Variants in ANKRD28 observed in about 807,000 individuals in gnomAD.
ANKRD28 encodes the protein serine/threonine-protein phosphatase 6 regulatory ankyrin repeat subunit A.
Under a neutral mutation model 126.5 loss-of-function variants are expected in ANKRD28, and 44 were observed. The observed-to-expected ratio is 0.35, with a 90% CI of 0.27 to 0.45. The LOEUF (loss-of-function observed/expected upper bound fraction) is 0.45. Ranked by LOEUF, ANKRD28 falls within the 20% of genes least tolerant of loss-of-function variation. ANKRD28 has a pLI of 1.00. For missense variants in ANKRD28, 1,110 were observed against 1,316.6 expected, an observed-to-expected ratio of 0.84 and a Z score of 2.43; for synonymous variants, 442 against 468.5, an observed-to-expected ratio of 0.94 and a Z score of 0.73.
chr3:15,739,075 G>A (rs554513678), intron 4 of ANKRD28, among the ~76,000 whole-genome samples: 13 of 152,118 alleles, frequency 8.5e-5, no homozygotes, highest in Non-Finnish European at 1.3e-4. Flanking sequence ...CCTAAACATC[G>A]CTGTTATCCT....
intron 2 of ANKRD28, among the ~76,000 whole-genome samples, chr3:15,772,037 G>T (rs556302798): frequency 6.6e-6 from 1 of 152,206 alleles, no homozygotes; most frequent in African/African-American, 2.4e-5. Flanking sequence ...TGAATGGAAT[G>T]AAAATGAATA....
chr3:15,746,496 T>G (rs1464274740), intron 4 of ANKRD28, among the ~76,000 whole-genome samples: 1 of 152,240 alleles, frequency 6.6e-6, no homozygotes, highest in Non-Finnish European at 1.5e-5. Flanking sequence ...ATTCTGTTTA[T>G]GTGGTGTATC....
intron 2 of ANKRD28, among the ~76,000 whole-genome samples, chr3:15,776,369 C>T (rs2059268505): frequency 6.6e-6 from 1 of 152,132 alleles, no homozygotes; most frequent in Admixed American, 6.5e-5. Flanking sequence ...TGTGAAACAA[C>T]CCAATTATCC....
chr3:15,797,887 A>G lies in ANKRD28; in HGVS notation c.-1366T>C. The G allele has an allele frequency of 3.0e-6, 3 of 985,452 alleles. No individual in the cohort carries two copies. The highest frequency in any genetic ancestry group is 3.6e-6 in the Non-Finnish European group (3 of 829,954). 61.0% of individuals were successfully genotyped at this position (985,452 alleles called of 1,614,324 possible). A position where few individuals can be genotyped will look rare whatever the true frequency, so the allele number is the denominator to read the frequency against. On this transcript the variant is annotated 5_prime_UTR_variant, in exon 1 of 28. An upstream start codon of the reference 5' UTR is lost. Transcript: ENST00000683139. Reference sequence around the variant, plus strand: ...ACCTCAGTATCAGTCCCACAGAAGCATTCCAACGGAGCAACAGTCTGAAGA... The same window carrying G: ...ACCTCAGTATCAGTCCCACAGAAGCGTTCCAACGGAGCAACAGTCTGAAGA...
rs370694516 is a variant in ANKRD28 at position 15,767,887 on chromosome 3, CCAAAA to C, written c.202-1580_202-1576del. On this transcript the variant is annotated intron_variant, in intron 2 of 27. Coordinates refer to ENST00000683139, the MANE Select transcript of ANKRD28 (RefSeq NM_001349278.2). ...TGGATGACAGAGAGAGACTCTGTCA[CCAAAA>C]CAAAACAAAACAAAACAACAAAAAC... Among the ~76,000 whole-genome samples, 622 of 151,092 alleles carry C rather than the reference CCAAAA, an allele frequency of 4.1e-3. 1 individual carries two copies. The highest frequency in any genetic ancestry group is 0.023 in the East Asian group (117 of 5,156).
At chr3:15,836,123 T>C (rs769240491) in intron 1 of ANKRD28, among the ~76,000 whole-genome samples, 2 of 152,074 alleles carry the variant, frequency 1.3e-5, no homozygotes, top group Non-Finnish European at 2.9e-5. Flanking sequence ...AAAAGAATAC[T>C]GAAAGTGGTA....
upstream of ANKRD28, chr3:15,798,125 T>C: frequency 1.0e-6 from 1 of 985,428 alleles, no homozygotes; most frequent in Non-Finnish European, 1.2e-6. Context: ...GAGTGCGCTT[T>C]TAACATTTTC....
chr3:15,757,632 C>T (rs1169147391), intron 3 of ANKRD28, among the ~76,000 whole-genome samples: 2 of 152,068 alleles, frequency 1.3e-5, no homozygotes, highest in Non-Finnish European at 2.9e-5. Context: ...TCACCCTTTC[C>T]ACCATATGAG....
chr3:15,850,155 A>C (rs2125991015), intron 1 of ANKRD28, among the ~76,000 whole-genome samples: 1 of 147,154 alleles, frequency 6.8e-6, no homozygotes, highest in Non-Finnish European at 1.5e-5. Context: ...CTTTTTCAAC[A>C]AATGGCACTG....
chr3:15,701,413 G>A (rs1422526867), intron 14 of ANKRD28, among the ~76,000 whole-genome samples: 3 of 152,138 alleles, frequency 2.0e-5, no homozygotes, highest in Admixed American at 1.3e-4. Flanking sequence ...GGGAAGCGGA[G>A]GTGGGCGGAA....
chr3:15,670,934 A>G (rs2066272420), intron 27 of ANKRD28, among the ~76,000 whole-genome samples: 1 of 152,212 alleles, frequency 6.6e-6, no homozygotes, highest in Admixed American at 6.6e-5. Flanking sequence ...ATTTGCAGTT[A>G]TATCAGTGTC....
intron 1 of ANKRD28, among the ~76,000 whole-genome samples, chr3:15,841,003 T>C (rs1160955907): frequency 2.0e-5 from 3 of 152,084 alleles, no homozygotes; most frequent in South Asian, 2.1e-4. Context: ...TAGCCAGGCA[T>C]GATGGTGCAC....
At chr3:15,698,333 A>T (rs2069997199) in intron 14 of ANKRD28, among the ~76,000 whole-genome samples, 1 of 152,212 alleles carries the variant, frequency 6.6e-6, no homozygotes, top group Non-Finnish European at 1.5e-5. Flanking sequence ...CTGGCACAAG[A>T]CAGGGATGCC....
At chr3:15,822,978 C>T (rs937529750) in intron 1 of ANKRD28, among the ~76,000 whole-genome samples, 5 of 152,174 alleles carry the variant, frequency 3.3e-5, no homozygotes, top group African/African-American at 1.2e-4. Flanking sequence ...GCCAACTAGC[C>T]TATTTATACA....
intron 1 of ANKRD28, among the ~76,000 whole-genome samples, chr3:15,820,636 T>C (rs1342065873): frequency 2.0e-5 from 3 of 152,172 alleles, no homozygotes; most frequent in African/African-American, 7.2e-5. Flanking sequence ...GAAATGCAAA[T>C]TAATTTTGCT....
At position 15,835,747 on chromosome 3, in the gene ANKRD28, C is replaced by T. The variant is rs1281693727; in HGVS notation, c.27+23630G>A. ...CTTAAGATCATGAGGAATATGATCC[C>T]CAATTGAGAAGATGGGAGTAAACTG... is the stretch of plus-strand genomic sequence containing the variant. On this transcript the variant is annotated intron_variant, in intron 1 of 27. Transcript: ENST00000399451. Among the ~76,000 whole-genome samples the T allele has an allele frequency of 2.0e-5, 3 of 152,068 alleles. 1 individual carries two copies. Among genetic ancestry groups the T allele is most frequent in the African/African-American group, 7.2e-5 (3 of 41,396 alleles).
chr3:15,750,244 G>A (rs1055345469), intron 4 of ANKRD28, among the ~76,000 whole-genome samples: 18 of 152,108 alleles, frequency 1.2e-4, no homozygotes, highest in African/African-American at 1.7e-4. Flanking sequence ...AACAAAATGC[G>A]TAGGTATGGC....
chr3:15,834,561 T>C (rs2061280967), intron 1 of ANKRD28, among the ~76,000 whole-genome samples: 1 of 152,024 alleles, frequency 6.6e-6, no homozygotes, highest in Admixed American at 6.6e-5. Context: ...CCTGAAGAAG[T>C]CAATCAAAGG....
At chr3:15,733,771 T>C (rs2074822733) in intron 6 of ANKRD28, among the ~76,000 whole-genome samples, 1 of 152,182 alleles carries the variant, frequency 6.6e-6, no homozygotes, top group African/African-American at 2.4e-5. Flanking sequence ...TATACCTATG[T>C]AGAATTTTTT....
Sources: allele counts gnomAD v4.1 joint callset (sites outside exome capture counted in the v4.1 genomes callset), GRCh38; gene constraint gnomAD v4.1.1; transcripts MANE v1.5; gene names NCBI Gene and HGNC (gene_info 2026-07-23, HGNC 2026-07-21).